ARID5B: variants seen among roughly 807,000 people sequenced by gnomAD.
ARID5B encodes AT-rich interaction domain 5B, also known as AT-rich interactive domain-containing protein 5B.
ARID5B carries 13 observed loss-of-function variants against 97.2 expected under a neutral mutation model. That is an observed-to-expected ratio of 0.13 (90% confidence interval 0.09 to 0.21). ARID5B has a LOEUF of 0.21. Ranked by LOEUF, ARID5B falls within the 10% of genes least tolerant of loss-of-function variation. The pLI, the probability that ARID5B is intolerant of heterozygous loss-of-function variation, is 1.00. For synonymous variants in ARID5B, 556 were observed against 570.3 expected (o/e 0.97, Z 0.36); for missense variants, 1,210 against 1,465.3 (o/e 0.83, Z 2.84).
Position 61,922,373 on chromosome 10 carries a change from C to T in ARID5B, c.277-17810C>T, listed in dbSNP as rs542872970. Among the ~76,000 whole-genome samples, 7 of 152,272 alleles carry T rather than the reference C, an allele frequency of 4.6e-5. No homozygotes were observed. In the South Asian group the frequency reaches 6.2e-4, roughly 14 times the overall value. On this transcript the variant is annotated intron_variant, in intron 2 of 9. Coordinates refer to ENST00000279873, the MANE Select transcript of ARID5B (RefSeq NM_032199.3). ...ATCCCAGCACTTTGGGAGGCCAAGG[C>T]GGGTGGATCACCTGAGGTCAGGAGT...
chr10:61,910,514 T>C (rs1436267559), intron 2 of ARID5B, among the ~76,000 whole-genome samples: 1 of 151,986 alleles, frequency 6.6e-6, no homozygotes, highest in African/African-American at 2.4e-5. Context: ...CCTCATTTCT[T>C]GAAGAATCTA....
intron 2 of ARID5B, among the ~76,000 whole-genome samples, chr10:61,908,849 A>G (rs1419039955): frequency 6.7e-6 from 1 of 149,928 alleles, no homozygotes; most frequent in Admixed American, 6.6e-5. Flanking sequence ...CTCTGCCCTC[A>G]AGGAGTTCCC....
chr10:62,055,271 G>A (rs1043305748), intron 5 of ARID5B, among the ~76,000 whole-genome samples: 1 of 152,118 alleles, frequency 6.6e-6, no homozygotes, highest in African/African-American at 2.4e-5. Context: ...GGCTGCCTGG[G>A]CTTAAATTCC....
chr10:61,989,271 A>G lies in ARID5B; in HGVS notation c.503-10820A>G, dbSNP rs973812754. 2.6e-5 allele frequency among the ~76,000 whole-genome samples: 4 copies of G among 152,264 alleles called. No individual in the cohort carries two copies. The East Asian group carries it at 7.7e-4, about 29-fold the overall frequency. ...ATCACATGTTAAAATAATATTTTGG[A>G]TATACTGGGTTAGATAAAATAGCTT... is the stretch of plus-strand genomic sequence containing the variant. On this transcript the variant is annotated intron_variant, in intron 3 of 9. Transcript: ENST00000279873.
intron 9 of ARID5B, among the ~76,000 whole-genome samples, chr10:62,087,100 G>A (rs1052751244): frequency 6.6e-6 from 1 of 151,668 alleles, no homozygotes; most frequent in Non-Finnish European, 1.5e-5. Context: ...GAGATCGAGA[G>A]CATCCTGGCT....
chr10:62,088,881 G>A (rs2132982002), intron 9 of ARID5B, among the ~76,000 whole-genome samples: 1 of 152,276 alleles, frequency 6.6e-6, no homozygotes, highest in Middle Eastern at 3.4e-3. Flanking sequence ...GGGATTGCAA[G>A]TTGCATGGTG....
chr10:62,078,237 C>G (rs1840163613), intron 8 of ARID5B, among the ~76,000 whole-genome samples: 1 of 152,134 alleles, frequency 6.6e-6, no homozygotes, highest in South Asian at 2.1e-4. Flanking sequence ...CCCTGTAATC[C>G]CAGCACTTTG....
At chr10:61,916,424 C>T (rs753512471) in intron 2 of ARID5B, among the ~76,000 whole-genome samples, 33 of 151,962 alleles carry the variant, frequency 2.2e-4, no homozygotes, top group Non-Finnish European at 4.3e-4. Flanking sequence ...TACTATCTGG[C>T]CCTTATATAA....
chr10:61,973,353 C>T (rs1179644981), intron 3 of ARID5B, among the ~76,000 whole-genome samples: 1 of 152,176 alleles, frequency 6.6e-6, no homozygotes, highest in East Asian at 1.9e-4. Flanking sequence ...GTTTTGTAGC[C>T]AATGAGCATT....
chr10:61,914,906 T>C (rs551205581), intron 2 of ARID5B, among the ~76,000 whole-genome samples: 2 of 152,310 alleles, frequency 1.3e-5, no homozygotes, highest in East Asian at 1.9e-4. Context: ...TTGAAACCCA[T>C]GTTCTCCCGA....
At chr10:61,937,951 C>T (rs1484955250) in intron 2 of ARID5B, among the ~76,000 whole-genome samples, 2 of 152,104 alleles carry the variant, frequency 1.3e-5, no homozygotes, top group African/African-American at 4.8e-5. Flanking sequence ...GACAATGTTG[C>T]AGGGCCAGTT....
At chr10:61,956,757 A>ACAT (rs1838396518) in intron 3 of ARID5B, among the ~76,000 whole-genome samples, 1 of 152,180 alleles carries the variant, frequency 6.6e-6, no homozygotes, top group South Asian at 2.1e-4. Flanking sequence ...AGAAAAGGTG[A>ACAT]CATCTCAATC....
intron 2 of ARID5B, among the ~76,000 whole-genome samples, chr10:61,933,133 T>C (rs752918419): frequency 6.6e-6 from 1 of 152,170 alleles, no homozygotes; most frequent in Non-Finnish European, 1.5e-5. Context: ...AACAGTAGAT[T>C]TTATGTCAAG....
chr10:61,921,099 C>T (rs1844006899), intron 2 of ARID5B, among the ~76,000 whole-genome samples: 1 of 152,188 alleles, frequency 6.6e-6, no homozygotes, highest in Non-Finnish European at 1.5e-5. Flanking sequence ...TTTAGCACCT[C>T]ATTTTACAAA....
intron 2 of ARID5B, among the ~76,000 whole-genome samples, chr10:61,914,314 C>T (rs980956337): frequency 6.6e-6 from 1 of 152,176 alleles, no homozygotes; most frequent in Admixed American, 6.5e-5. Flanking sequence ...CTACTATATG[C>T]CTACTATGTG....
chr10:61,999,642 G>A (rs576100272), intron 3 of ARID5B, among the ~76,000 whole-genome samples: 5 of 152,288 alleles, frequency 3.3e-5, no homozygotes, highest in East Asian at 1.9e-4. Context: ...GCTTTTGTAC[G>A]TGGAACCATC....
Position 62,093,133 on chromosome 10 carries a change from C to A in ARID5B, c.*103C>A. The A allele has an allele frequency of 6.8e-7, 1 of 1,477,526 alleles. No homozygotes were observed. Among genetic ancestry groups the A allele is most frequent in the South Asian group, 1.4e-5 (1 of 73,492 alleles). The allele number at this position is 1,477,526 out of a possible 1,614,324, so 91.5% of individuals were successfully genotyped here. On this transcript the variant is annotated 3_prime_UTR_variant, in exon 10 of 10. Coordinates refer to ENST00000279873, the MANE Select transcript of ARID5B (RefSeq NM_032199.3). Reference sequence around the variant, plus strand: ...GTTAGAAGTCAGTATTTCTTCTAATCTGAGGCTATGATCAGTCCCAGCTGT... The same window carrying A: ...GTTAGAAGTCAGTATTTCTTCTAATATGAGGCTATGATCAGTCCCAGCTGT...
intron 3 of ARID5B, among the ~76,000 whole-genome samples, chr10:61,954,411 T>C (rs912676190): frequency 6.6e-6 from 1 of 151,950 alleles, no homozygotes; most frequent in Non-Finnish European, 1.5e-5. Flanking sequence ...TATATAAATT[T>C]CGATGCTAAA....
At chr10:61,959,200 T>A (rs1051926738) in intron 3 of ARID5B, among the ~76,000 whole-genome samples, 2 of 152,238 alleles carry the variant, frequency 1.3e-5, no homozygotes, top group African/African-American at 4.8e-5. Context: ...ATATTCATGG[T>A]TGCAAATGGG....
Sources: gnomAD v4.1 joint callset for allele counts (sites outside exome capture counted in the v4.1 genomes callset) on GRCh38, gnomAD v4.1.1 for gene constraint, MANE v1.5 for transcripts, NCBI Gene and HGNC (gene_info 2026-07-23, HGNC 2026-07-21) for gene names.